TMEM39B: variants seen among roughly 807,000 people sequenced by gnomAD.
TMEM39B encodes transmembrane protein 39B.
Under a neutral mutation model 52.2 loss-of-function variants are expected in TMEM39B, and 23 were observed. The ratio of observed to expected loss-of-function variants is 0.44; its 90% CI spans 0.32 to 0.62. The LOEUF (loss-of-function observed/expected upper bound fraction) is 0.62. Ranked by LOEUF, TMEM39B falls within the 20% of genes least tolerant of loss-of-function variation. The pLI is 0.06. For missense variants in TMEM39B, 547 were observed against 642.0 expected, an observed-to-expected ratio of 0.85 and a Z score of 1.60; for synonymous variants, 285 against 264.0, an observed-to-expected ratio of 1.08 and a Z score of -0.77.
At chr1:32,076,293 T>C in intron 3 of TMEM39B, 1 of 262,278 alleles carries the variant, frequency 3.8e-6, no homozygotes, top group South Asian at 4.3e-5. Flanking sequence ...GTATTTTTAG[T>C]GGAGACAGGG....
Position 32,099,526 on chromosome 1 carries a change from TG to T in TMEM39B, c.1116-913del, listed in dbSNP as rs376731240. 1.0e-3 allele frequency among the ~76,000 whole-genome samples: 152 copies of T among 152,200 alleles called. 1 individual carries two copies. Among genetic ancestry groups the T allele is most frequent in the African/African-American group, 3.1e-3 (129 of 41,536 alleles). On this transcript the variant is annotated intron_variant, in intron 7 of 8. Coordinates refer to ENST00000336294, the MANE Select transcript of TMEM39B (RefSeq NM_018056.4). Reference sequence around the variant, plus strand: ...TTGAGAAAGGCTTTGTGGAGGAACCTGGGTTTTGAAAGATGATGAAGAGCTT... The same window carrying T: ...TTGAGAAAGGCTTTGTGGAGGAACCTGGTTTTGAAAGATGATGAAGAGCTT...
At chr1:32,081,466 G>A (rs1640098811) in intron 5 of TMEM39B, among the ~76,000 whole-genome samples, 1 of 152,008 alleles carries the variant, frequency 6.6e-6, no homozygotes, top group Non-Finnish European at 1.5e-5. Context: ...TTTATTTATT[G>A]GCCAAGCGTG....
At chr1:32,088,167 C>T (rs1640449887) in intron 5 of TMEM39B, among the ~76,000 whole-genome samples, 1 of 143,506 alleles carries the variant, frequency 7.0e-6, no homozygotes, top group African/African-American at 2.6e-5. Context: ...CCTGTAATCC[C>T]AGCACTTTGG....
chr1:32,089,022 G>A (rs1240442482), intron 5 of TMEM39B, among the ~76,000 whole-genome samples: 1 of 151,928 alleles, frequency 6.6e-6, no homozygotes, highest in African/African-American at 2.4e-5. Context: ...CTTGCTGAGA[G>A]TGGGATCAAT....
chr1:32,098,748 A>C (rs954847193), intron 7 of TMEM39B, among the ~76,000 whole-genome samples: 4 of 152,126 alleles, frequency 2.6e-5, no homozygotes, highest in Non-Finnish European at 5.9e-5. Context: ...CAAAAAAAAA[A>C]AGAAAGCTCA....
In TMEM39B at chr1:32,072,966, A is replaced by T; in HGVS notation, c.-82A>T. 2 of 1,512,428 alleles carry T rather than the reference A, an allele frequency of 1.3e-6. No individual in the cohort carries two copies. The highest frequency in any genetic ancestry group is 1.8e-6 in the Non-Finnish European group (2 of 1,124,300). The allele number at this position is 1,512,428 out of a possible 1,614,324, so 93.7% of individuals were successfully genotyped here. ...TACCCGGGACTGGGCTGCGGCGGTT[A>T]GTCCTCTCCCGGCCGCCGTCGCCTC... is the stretch of plus-strand genomic sequence containing the variant. On this transcript the variant is annotated 5_prime_UTR_variant, in exon 1 of 9. Coordinates refer to ENST00000336294, the MANE Select transcript of TMEM39B (RefSeq NM_018056.4).
At chr1:32,090,249 A>C (rs550229988) in intron 5 of TMEM39B, among the ~76,000 whole-genome samples, 6 of 152,042 alleles carry the variant, frequency 3.9e-5, no homozygotes, top group African/African-American at 1.4e-4. Context: ...TTTTCTCCGC[A>C]TACAATAGCA....
In TMEM39B at chr1:32,076,752, C is replaced by A. The variant is rs190723107; in HGVS notation, c.352-11C>A. ...GGCCCACATGACCCCCAGGCCTCTG[C>A]CCCCTGACAGAACTTCCATCTGATC... On this transcript the variant is annotated splice_polypyrimidine_tract_variant and intron_variant, in intron 3 of 8. Coordinates refer to ENST00000336294, the MANE Select transcript of TMEM39B (RefSeq NM_018056.4). 45 of 1,613,892 alleles carry A rather than the reference C, an allele frequency of 2.8e-5. No homozygotes were observed. The African/African-American group carries it at 5.5e-4, about 20-fold the overall frequency.
At chr1:32,100,615 CTGCAGGGCAGGAA>C in intron 8 of TMEM39B, 53 bp downstream of exon 8, 5 of 1,612,016 alleles carry the variant, frequency 3.1e-6, no homozygotes, top group Non-Finnish European at 4.2e-6. Flanking sequence ...GTGGGAGGAT[CTGCAGGGCAGGAA>C]TGTGATGTCA....
chr1:32,076,103 C>CTTTTTTTTTTTTTTT (rs1178215057), intron 3 of TMEM39B: 9 of 76,256 alleles, frequency 1.2e-4, no homozygotes, highest in South Asian at 5.1e-4. Context: ...TTCTTTTCTT[C>CTTTTTTTTTTTTTTT]TTTTTTTTTT....
At position 32,094,983 on chromosome 1, in the gene TMEM39B, T is replaced by C. The variant is rs1329940873; in HGVS notation, c.1115+12T>C. 4 of 1,611,600 alleles carry C rather than the reference T, an allele frequency of 2.5e-6. No individual in the cohort carries two copies. Among genetic ancestry groups the C allele is most frequent in the Non-Finnish European group, 1.7e-6 (2 of 1,179,254 alleles). ...GTGCTGCAGCACCCGTGAGTCACCC[T>C]ACCCTGCTCAACCCAATCCCAGCCC... On this transcript the variant is annotated intron_variant, in intron 7 of 8. Transcript: ENST00000336294.
At chr1:32,075,181 G>T (rs1557909154) in intron 2 of TMEM39B, 104 bp downstream of exon 2, 1 of 1,443,260 alleles carries the variant, frequency 6.9e-7, no homozygotes, top group Non-Finnish European at 9.2e-7. Context: ...AGATGCCAGT[G>T]GGGGCTTAGA....
At chr1:32,073,599 G>A in intron 1 of TMEM39B, 2 of 988,268 alleles carry the variant, frequency 2.0e-6, no homozygotes, top group Non-Finnish European at 2.4e-6. Context: ...AAAGAGAGGA[G>A]AGTGGGTGTG....
chr1:32,076,700 A>G lies in TMEM39B; in HGVS notation c.352-63A>G, dbSNP rs1012378178. On this transcript the variant is annotated intron_variant, in intron 3 of 8. Transcript: ENST00000336294. ...AAGAAATGGGCAGCGGGAGGTGGGTATGAAAAAAGCCTGCATATGGGCAAG... is the reference window on the plus strand; with the variant it reads ...AAGAAATGGGCAGCGGGAGGTGGGTGTGAAAAAAGCCTGCATATGGGCAAG... 3 of 1,515,484 alleles carry G rather than the reference A, an allele frequency of 2.0e-6. No homozygotes were observed. In the African/African-American group the frequency reaches 4.1e-5, roughly 21 times the overall value. 93.9% of individuals were successfully genotyped at this position (1,515,484 alleles called of 1,614,324 possible). A position where few individuals can be genotyped will look rare whatever the true frequency, so the allele number is the denominator to read the frequency against.
rs751881080 is a variant in TMEM39B at position 32,076,647 on chromosome 1, G to A, written c.352-116G>A. The A allele has an allele frequency of 1.8e-5, 19 of 1,062,938 alleles. 1 individual carries two copies. In the South Asian group the frequency reaches 2.1e-4, roughly 12 times the overall value. 65.8% of individuals were successfully genotyped at this position (1,062,938 alleles called of 1,614,324 possible). On this transcript the variant is annotated intron_variant, in intron 3 of 8. Coordinates refer to ENST00000336294, the MANE Select transcript of TMEM39B (RefSeq NM_018056.4). ...CTGACTCAGCTGGAGGCCGATGAAGGTCAGAGAATGAGGACAGTCTCTGTG... is the reference window on the plus strand; with the variant it reads ...CTGACTCAGCTGGAGGCCGATGAAGATCAGAGAATGAGGACAGTCTCTGTG...
rs532846201 is a variant in TMEM39B, at chr1:32,077,054, T to C, written c.436-110T>C. ...CCTTGCCAGGTTCTGCCCAGCCTGC[T>C]GTGCCACCTCTCCCTGGGTGGGATC... is the stretch of plus-strand genomic sequence containing the variant. On this transcript the variant is annotated intron_variant, in intron 4 of 8. Transcript: ENST00000336294. 2.8e-5 allele frequency: 42 copies of C among 1,481,896 alleles called. No individual in the cohort carries two copies. The African/African-American group carries it at 4.6e-4, about 16-fold the overall frequency. 91.8% of individuals were successfully genotyped at this position (1,481,896 alleles called of 1,614,324 possible).
chr1:32,100,116 C>G (rs911583078), intron 7 of TMEM39B, among the ~76,000 whole-genome samples: 1 of 151,978 alleles, frequency 6.6e-6, no homozygotes, highest in Non-Finnish European at 1.5e-5. Context: ...TTACAAAGAC[C>G]ACTCAGACAA....
intron 5 of TMEM39B, among the ~76,000 whole-genome samples, chr1:32,088,436 A>G (rs747189416): frequency 4.6e-5 from 7 of 152,040 alleles, no homozygotes; most frequent in Non-Finnish European, 5.9e-5. Flanking sequence ...AAAAATAAAA[A>G]TTATGTGACT....
intron 5 of TMEM39B, among the ~76,000 whole-genome samples, chr1:32,082,102 C>G (rs1008772506): frequency 6.6e-6 from 1 of 151,564 alleles, no homozygotes; most frequent in Non-Finnish European, 1.5e-5. Flanking sequence ...ATAAGTATCC[C>G]TATACTTTTT....
Sources: allele counts gnomAD v4.1 joint callset (sites outside exome capture counted in the v4.1 genomes callset), GRCh38; gene constraint gnomAD v4.1.1; transcripts MANE v1.5; gene names NCBI Gene and HGNC (gene_info 2026-07-23, HGNC 2026-07-21).